The following CPA6 variants were observed in gnomAD, a reference collection of about 807,000 sequenced individuals.
CPA6 encodes the protein carboxypeptidase A6, also known as carboxypeptidase B.
Under a neutral mutation model 63.3 loss-of-function variants are expected in CPA6, and 58 were observed. The ratio of observed to expected loss-of-function variants is 0.92; its 90% CI spans 0.74 to 1.14. CPA6 has a LOEUF of 1.14. CPA6 is among the 50% of genes most tolerant of loss of function. CPA6 has a pLI of 0.00. For synonymous variants in CPA6, 185 were observed against 179.0 expected, an observed-to-expected ratio of 1.03 and a Z score of -0.27; for missense variants, 565 against 526.6, an observed-to-expected ratio of 1.07 and a Z score of -0.71.
chr8:67,545,580 T>TTTTTTTTTTTTTG (rs750417027), intron 2 of CPA6, among the ~76,000 whole-genome samples: 483 of 125,488 alleles, frequency 3.8e-3, no homozygotes, highest in Non-Finnish European at 6.1e-3. Flanking sequence ...TTTTTTTTTT[T>TTTTTTTTTTTTTG]TTTTGAGATG....
At chr8:67,617,597 AG>A (rs1814986894) in intron 2 of CPA6, among the ~76,000 whole-genome samples, 1 of 152,232 alleles carries the variant, frequency 6.6e-6, no homozygotes, top group Non-Finnish European at 1.5e-5. Context: ...ATCTTCAGCC[AG>A]CATACCAAGC....
intron 2 of CPA6, among the ~76,000 whole-genome samples, chr8:67,617,031 CAATT>C (rs1489101848): frequency 6.6e-6 from 1 of 152,168 alleles, no homozygotes; most frequent in Admixed American, 6.5e-5. Context: ...TAATGTTTAA[CAATT>C]AGTCTCAAAA....
intron 1 of CPA6, among the ~76,000 whole-genome samples, chr8:67,661,984 C>T (rs1587681595): frequency 6.6e-6 from 1 of 152,160 alleles, no homozygotes; most frequent in East Asian, 1.9e-4. Flanking sequence ...TGCATGGATA[C>T]ACCTAAGCTC....
chr8:67,522,844 G>A (rs1448223659), intron 2 of CPA6, among the ~76,000 whole-genome samples: 2 of 152,232 alleles, frequency 1.3e-5, no homozygotes, highest in Non-Finnish European at 2.9e-5. Flanking sequence ...GATCCAGGCT[G>A]GGGCACAAGC....
intron 6 of CPA6, among the ~76,000 whole-genome samples, chr8:67,485,001 T>C (rs1811447060): frequency 6.6e-6 from 1 of 152,230 alleles, no homozygotes; most frequent in South Asian, 2.1e-4. Context: ...AGCAGAGCTG[T>C]TAAAAGAGAT....
chr8:67,510,647 A>G (rs183081699), intron 4 of CPA6, among the ~76,000 whole-genome samples: 2 of 152,328 alleles, frequency 1.3e-5, no homozygotes, highest in African/African-American at 4.8e-5. Context: ...ATAGAGCAGC[A>G]TCTCATTTAT....
intron 2 of CPA6, among the ~76,000 whole-genome samples, chr8:67,585,860 G>C (rs1813918975): frequency 6.6e-6 from 1 of 152,088 alleles, no homozygotes; most frequent in Non-Finnish European, 1.5e-5. Context: ...TAATGGTAGG[G>C]GGTAAGGCAA....
intron 2 of CPA6, among the ~76,000 whole-genome samples, chr8:67,580,278 T>C (rs1313179085): frequency 6.6e-6 from 1 of 152,220 alleles, no homozygotes; most frequent in African/African-American, 2.4e-5. Context: ...CATAGCATGC[T>C]TAGGAGGAAG....
At chr8:67,435,934 C>A (rs562715801) in intron 8 of CPA6, among the ~76,000 whole-genome samples, 1 of 151,462 alleles carries the variant, frequency 6.6e-6, no homozygotes, top group Non-Finnish European at 1.5e-5. Context: ...CCCTTAGGGC[C>A]CCCTACCCCA....
At chr8:67,540,785 G>A (rs1487801519) in intron 2 of CPA6, among the ~76,000 whole-genome samples, 3 of 152,198 alleles carry the variant, frequency 2.0e-5, no homozygotes, top group African/African-American at 7.2e-5. Flanking sequence ...GAACTTCCTG[G>A]CAGCTTTGTT....
At position 67,606,192 on chromosome 8, in the gene CPA6, GA is replaced by G. The variant is rs1814632856; in HGVS notation, c.192+17983del. ...CTCTGGGGACTGTTTTGGGGTGGGG[GA>G]GGGGGGAGGGATAGCATTAGGAGAT... is the stretch of plus-strand genomic sequence containing the variant. On this transcript the variant is annotated intron_variant, in intron 2 of 10. Transcript: ENST00000297770. 2.5e-5 allele frequency among the ~76,000 whole-genome samples: 3 copies of G among 122,358 alleles called. No homozygotes were observed. The South Asian group carries it at 1.0e-3, about 41-fold the overall frequency. 80.3% of individuals were successfully genotyped at this position (122,358 alleles called of 152,430 possible).
At chr8:67,668,593 G>A (rs1480384065) in intron 1 of CPA6, among the ~76,000 whole-genome samples, 1 of 152,160 alleles carries the variant, frequency 6.6e-6, no homozygotes, top group East Asian at 1.9e-4. Flanking sequence ...CACAAAAAAT[G>A]TGCTCCGGTA....
intron 2 of CPA6, among the ~76,000 whole-genome samples, chr8:67,585,830 A>G (rs537391962): frequency 3.3e-5 from 5 of 152,160 alleles, no homozygotes; most frequent in African/African-American, 1.2e-4. Context: ...CCATAGTCAC[A>G]AAGAGTTCTT....
intron 1 of CPA6, among the ~76,000 whole-genome samples, chr8:67,706,299 T>A (rs976483563): frequency 6.6e-6 from 1 of 152,212 alleles, no homozygotes; most frequent in Non-Finnish European, 1.5e-5. Context: ...TAAAACCTTA[T>A]CTGAACTTCT....
intron 6 of CPA6, among the ~76,000 whole-genome samples, chr8:67,490,004 A>T (rs1228987400): frequency 6.6e-6 from 1 of 152,128 alleles, no homozygotes; most frequent in Non-Finnish European, 1.5e-5. Context: ...ATTGTATTGC[A>T]TATGCTGTAT....
chr8:67,426,772 C>T (rs1372192095), intron 10 of CPA6, among the ~76,000 whole-genome samples: 2 of 152,192 alleles, frequency 1.3e-5, no homozygotes, highest in South Asian at 2.1e-4. Context: ...CATTTGCACA[C>T]ACCGACATTC....
intron 1 of CPA6, among the ~76,000 whole-genome samples, chr8:67,666,108 C>T (rs1052283967): frequency 1.3e-5 from 2 of 152,202 alleles, no homozygotes; most frequent in African/African-American, 2.4e-5. Context: ...GGATGGCAGA[C>T]TTCACTCACC....
chr8:67,466,264 C>T (rs1810924756), intron 8 of CPA6, among the ~76,000 whole-genome samples: 1 of 152,094 alleles, frequency 6.6e-6, no homozygotes, highest in Admixed American at 6.6e-5. Flanking sequence ...TCATTATAGT[C>T]TCTGAGGATC....
At chr8:67,478,506 C>T (rs1029090184) in intron 8 of CPA6, among the ~76,000 whole-genome samples, 3 of 151,966 alleles carry the variant, frequency 2.0e-5, no homozygotes, top group Non-Finnish European at 4.4e-5. Flanking sequence ...TGGGACTGAG[C>T]CTTTAACCTG....
Sources: gnomAD v4.1 joint callset for allele counts (sites outside exome capture counted in the v4.1 genomes callset) on GRCh38, gnomAD v4.1.1 for gene constraint, MANE v1.5 for transcripts, NCBI Gene and HGNC (gene_info 2026-07-23, HGNC 2026-07-21) for gene names.